The following SLC10A7 variants were observed in gnomAD, a reference collection of about 807,000 sequenced individuals.
SLC10A7 encodes solute carrier family 10 member 7, also known as sodium/bile acid cotransporter 7.
A neutral mutation model predicts 43.2 loss-of-function variants in SLC10A7; 29 were observed. The observed-to-expected ratio is 0.67, with a 90% CI of 0.50 to 0.92. The LOEUF (loss-of-function observed/expected upper bound fraction) is 0.92. SLC10A7 is among the 40% of genes least tolerant of loss of function. The pLI is 0.00. For missense variants in SLC10A7, 295 were observed against 403.2 expected, an observed-to-expected ratio of 0.73 and a Z score of 2.30; for synonymous variants, 152 against 144.8, an observed-to-expected ratio of 1.05 and a Z score of -0.35.
chr4:146,417,802 T>G (rs546610720), intron 5 of SLC10A7, among the ~76,000 whole-genome samples: 1 of 152,280 alleles, frequency 6.6e-6, no homozygotes, highest in East Asian at 1.9e-4. Context: ...GCTACAGATT[T>G]GGCTAAGGGC....
chr4:146,455,901 G>C (rs1377465586), intron 4 of SLC10A7, among the ~76,000 whole-genome samples: 1 of 151,840 alleles, frequency 6.6e-6, no homozygotes, highest in Non-Finnish European at 1.5e-5. Context: ...TAGGTCCCCT[G>C]AGAAAATTTT....
rs547837790 is a variant in SLC10A7, at chr4:146,425,965, T to A, written c.435+16818A>T. On this transcript the variant is annotated intron_variant, in intron 5 of 11. Transcript: ENST00000335472. ...CTCCTTAGTAAAATACTTTCTCTTG[T>A]GAATTTAACCATGAAGAGAGAATGC... 3.3e-5 allele frequency among the ~76,000 whole-genome samples: 5 copies of A among 152,332 alleles called. No individual in the cohort carries two copies. The South Asian group carries it at 1.0e-3, about 32-fold the overall frequency.
At chr4:146,324,087 A>C (rs1250232251) in intron 6 of SLC10A7, among the ~76,000 whole-genome samples, 1 of 152,208 alleles carries the variant, frequency 6.6e-6, no homozygotes, top group African/African-American at 2.4e-5. Flanking sequence ...CTTCAAAGAG[A>C]ATAAAATACC....
chr4:146,439,984 C>T (rs1730474060), intron 5 of SLC10A7, among the ~76,000 whole-genome samples: 1 of 152,212 alleles, frequency 6.6e-6, no homozygotes, highest in Non-Finnish European at 1.5e-5. Context: ...ACCAATTTCT[C>T]CCTGAAGCCT....
intron 4 of SLC10A7, among the ~76,000 whole-genome samples, chr4:146,474,243 T>C (rs1420769970): frequency 6.6e-6 from 1 of 151,980 alleles, no homozygotes; most frequent in African/African-American, 2.4e-5. Flanking sequence ...AAATACAAAA[T>C]ACTAAACTCC....
At chr4:146,466,348 C>A (rs1160521211) in intron 4 of SLC10A7, among the ~76,000 whole-genome samples, 1 of 152,062 alleles carries the variant, frequency 6.6e-6, no homozygotes, top group East Asian at 1.9e-4. Flanking sequence ...AGCACTGATA[C>A]AAGTATAAAA....
chr4:146,287,617 C>T (rs1356051185), intron 9 of SLC10A7, among the ~76,000 whole-genome samples: 1 of 152,116 alleles, frequency 6.6e-6, no homozygotes, highest in Non-Finnish European at 1.5e-5. Flanking sequence ...ATATGAATTA[C>T]AGTCAATTAA....
intron 5 of SLC10A7, among the ~76,000 whole-genome samples, chr4:146,425,201 T>C (rs577974470): frequency 6.6e-6 from 1 of 152,186 alleles, no homozygotes. Flanking sequence ...GTTGGACTGT[T>C]ACCTGAAAGA....
chr4:146,505,040 C>T (rs1176204576), intron 3 of SLC10A7, among the ~76,000 whole-genome samples: 1 of 152,000 alleles, frequency 6.6e-6, no homozygotes, highest in Admixed American at 6.6e-5. Context: ...AGGTAGCTGG[C>T]CTAAGTGGAA....
intron 5 of SLC10A7, among the ~76,000 whole-genome samples, chr4:146,394,359 G>C (rs989255452): frequency 2.0e-5 from 3 of 152,106 alleles, no homozygotes; most frequent in African/African-American, 7.2e-5. Context: ...GGTATGATGA[G>C]CTTGCCATGA....
intron 4 of SLC10A7, among the ~76,000 whole-genome samples, chr4:146,477,146 G>T (rs1220351244): frequency 6.6e-6 from 1 of 152,136 alleles, no homozygotes; most frequent in Non-Finnish European, 1.5e-5. Context: ...GCACTAAATT[G>T]CTAACACATA....
At chr4:146,474,377 T>C (rs1733858512) in intron 4 of SLC10A7, among the ~76,000 whole-genome samples, 1 of 152,148 alleles carries the variant, frequency 6.6e-6, no homozygotes, top group African/African-American at 2.4e-5. Context: ...CAAAATGTAA[T>C]GCATCTTCCA....
intron 5 of SLC10A7, among the ~76,000 whole-genome samples, chr4:146,395,632 A>G (rs1738771721): frequency 6.6e-6 from 1 of 152,202 alleles, no homozygotes; most frequent in African/African-American, 2.4e-5. Flanking sequence ...GTGCTGACAC[A>G]TATATTTGCT....
intron 5 of SLC10A7, among the ~76,000 whole-genome samples, chr4:146,374,888 A>G (rs937626667): frequency 3.3e-5 from 5 of 152,122 alleles, no homozygotes; most frequent in African/African-American, 1.2e-4. Flanking sequence ...GAGAGAGACC[A>G]TCTGTTTCTA....
chr4:146,488,513 A>G (rs2149999907), intron 4 of SLC10A7, among the ~76,000 whole-genome samples: 1 of 152,330 alleles, frequency 6.6e-6, no homozygotes. Flanking sequence ...AAAAATGACT[A>G]AAAGTCCCAT....
intron 10 of SLC10A7, among the ~76,000 whole-genome samples, chr4:146,276,117 T>C (rs10022940): frequency 0.47 from 71,202 of 151,986 alleles, 16,919 homozygotes; most frequent in Admixed American, 0.57. Flanking sequence ...TTTTAGGCAG[T>C]CCAGATATCA....
Position 146,374,611 on chromosome 4 carries a change from T to TATATAC in SLC10A7, c.436-48616_436-48615insGTATAT, listed in dbSNP as rs1201844350. Among the ~76,000 whole-genome samples the TATATAC allele has an allele frequency of 4.2e-3, 535 of 128,492 alleles. 2 individuals are homozygous for TATATAC. Among genetic ancestry groups the TATATAC allele is most frequent in the African/African-American group, 0.014 (435 of 30,906 alleles). 84.3% of individuals were successfully genotyped at this position (128,492 alleles called of 152,430 possible). On this transcript the variant is annotated intron_variant, in intron 5 of 11. Transcript: ENST00000335472. Reference sequence around the variant, plus strand: ...CAAAAAAAATATATACATATATATATATACACATACACACACACACACACA... The same window carrying TATATAC: ...CAAAAAAAATATATACATATATATATATATACATACACATACACACACACACACACA...
At chr4:146,355,821 T>A (rs1055087931) in intron 5 of SLC10A7, among the ~76,000 whole-genome samples, 5 of 127,398 alleles carry the variant, frequency 3.9e-5, no homozygotes, top group African/African-American at 1.6e-4. Flanking sequence ...TTCTCACTCA[T>A]AGGTAGGAAT....
At chr4:146,387,484 G>A (rs1738096494) in intron 5 of SLC10A7, among the ~76,000 whole-genome samples, 1 of 152,148 alleles carries the variant, frequency 6.6e-6, no homozygotes, top group African/African-American at 2.4e-5. Flanking sequence ...AACATCATAT[G>A]CATCAGGGAA....
Sources: gnomAD v4.1 joint callset for allele counts (sites outside exome capture counted in the v4.1 genomes callset) on GRCh38, gnomAD v4.1.1 for gene constraint, MANE v1.5 for transcripts, NCBI Gene and HGNC (gene_info 2026-07-23, HGNC 2026-07-21) for gene names.